DLG2: variants seen among roughly 807,000 people sequenced by gnomAD.
DLG2 encodes the protein disks large homolog 2.
DLG2 carries 45 observed loss-of-function variants against 132.5 expected under a neutral mutation model. The ratio of observed to expected loss-of-function variants is 0.34; its 90% CI spans 0.27 to 0.44. The LOEUF (loss-of-function observed/expected upper bound fraction) is 0.44, where lower values mean the gene tolerates loss of function less well. DLG2 is among the 20% of genes least tolerant of loss of function. The pLI is 1.00. For synonymous variants in DLG2, 424 were observed against 419.6 expected, an observed-to-expected ratio of 1.01 and a Z score of -0.13; for missense variants, 1,045 against 1,196.9, an observed-to-expected ratio of 0.87 and a Z score of 1.87.
At chr11:83,642,976 A>T (rs115900521) in intron 18 of DLG2, among the ~76,000 whole-genome samples, 1,482 of 147,228 alleles carry the variant, frequency 0.01, 27 homozygotes, top group African/African-American at 0.037. Context: ...ATAAATGAAT[A>T]AAAAAAAACC....
chr11:83,737,022 T>G (rs909464521), intron 18 of DLG2, among the ~76,000 whole-genome samples: 1 of 152,192 alleles, frequency 6.6e-6, no homozygotes, highest in African/African-American at 2.4e-5. Context: ...AAATAAACTA[T>G]GTATACAAAA....
chr11:85,419,504 T>A (rs577764203), intron 3 of DLG2, among the ~76,000 whole-genome samples: 2 of 152,244 alleles, frequency 1.3e-5, no homozygotes, highest in Non-Finnish European at 2.9e-5. Context: ...TCATGGATAA[T>A]ATCCTGAAGC....
intron 8 of DLG2, among the ~76,000 whole-genome samples, chr11:84,220,442 A>C (rs1417910419): frequency 6.6e-6 from 1 of 152,182 alleles, no homozygotes; most frequent in African/African-American, 2.4e-5. Flanking sequence ...CAAATCACAC[A>C]CATACACCAA....
At chr11:85,016,039 C>T (rs910914014) in intron 6 of DLG2, among the ~76,000 whole-genome samples, 2 of 151,592 alleles carry the variant, frequency 1.3e-5, no homozygotes, top group Non-Finnish European at 2.9e-5. Context: ...AGTTTAAAAA[C>T]GTTAAAATAG....
intron 6 of DLG2, among the ~76,000 whole-genome samples, chr11:84,584,166 C>T (rs1243217477): frequency 6.6e-6 from 1 of 152,096 alleles, no homozygotes; most frequent in Non-Finnish European, 1.5e-5. Flanking sequence ...GAAACAACCT[C>T]AATAACATTT....
chr11:84,712,179 C>A (rs1446060368), intron 6 of DLG2, among the ~76,000 whole-genome samples: 2 of 152,112 alleles, frequency 1.3e-5, no homozygotes, highest in African/African-American at 2.4e-5. Context: ...TTCTTAAAGT[C>A]TGAGCTCTTT....
At chr11:85,522,549 C>A (rs2074398300) in intron 3 of DLG2, among the ~76,000 whole-genome samples, 1 of 152,172 alleles carries the variant, frequency 6.6e-6, no homozygotes, top group Admixed American at 6.5e-5. Context: ...TGTGGAAAAG[C>A]CACAGACACT....
intron 6 of DLG2, among the ~76,000 whole-genome samples, chr11:84,786,112 A>G (rs74949648): frequency 0.017 from 2,548 of 152,278 alleles, 53 homozygotes; most frequent in African/African-American, 0.049. Context: ...AAGATAAAAT[A>G]TATCATCATC....
chr11:84,017,886 T>C (rs1300268345), intron 11 of DLG2, among the ~76,000 whole-genome samples: 5 of 152,054 alleles, frequency 3.3e-5, no homozygotes, highest in Non-Finnish European at 5.9e-5. Flanking sequence ...TTCAATTGGC[T>C]TCTAGGCTCT....
chr11:85,309,838 C>G lies in DLG2; in HGVS notation c.41-24473G>C, dbSNP rs1306246861. On this transcript the variant is annotated intron_variant, in intron 3 of 27. Transcript: ENST00000376104. ...GCAGGCTGAGTCTGGTGCCCTTGTT[C>G]TGTGTTTTGTGTTTGCCTCTGCTTA... Among the ~76,000 whole-genome samples the G allele has an allele frequency of 2.0e-5, 3 of 152,158 alleles. No individual in the cohort carries two copies. The East Asian group carries it at 5.8e-4, about 29-fold the overall frequency.
At chr11:85,603,880 G>A (rs2080338743) in intron 2 of DLG2, among the ~76,000 whole-genome samples, 1 of 152,112 alleles carries the variant, frequency 6.6e-6, no homozygotes, top group Non-Finnish European at 1.5e-5. Context: ...TCCTGCTACT[G>A]CACTCCAGCC....
chr11:85,038,926 C>T (rs185020455), intron 6 of DLG2, among the ~76,000 whole-genome samples: 1 of 151,986 alleles, frequency 6.6e-6, no homozygotes, highest in African/African-American at 2.4e-5. Context: ...CTCAGTATAC[C>T]TGGAACTCCT....
chr11:84,867,579 C>T (rs1456046790), intron 6 of DLG2, among the ~76,000 whole-genome samples: 2 of 152,152 alleles, frequency 1.3e-5, no homozygotes, highest in Non-Finnish European at 2.9e-5. Context: ...AAAGTAAAAA[C>T]TTACAGAGGA....
At chr11:84,619,314 G>A (rs985134205) in intron 6 of DLG2, among the ~76,000 whole-genome samples, 4 of 151,656 alleles carry the variant, frequency 2.6e-5, no homozygotes, top group African/African-American at 9.7e-5. Context: ...TTAAAATACT[G>A]CATATCATAT....
intron 9 of DLG2, among the ~76,000 whole-genome samples, chr11:84,146,799 A>T (rs2095101489): frequency 6.6e-6 from 1 of 152,164 alleles, no homozygotes; most frequent in African/African-American, 2.4e-5. Flanking sequence ...TAGACATAGG[A>T]AAGAGGGTGG....
chr11:84,491,237 G>A (rs1470237167), intron 7 of DLG2, among the ~76,000 whole-genome samples: 1 of 152,072 alleles, frequency 6.6e-6, no homozygotes, highest in African/African-American at 2.4e-5. Flanking sequence ...TGGGAGATAA[G>A]TGAATCAGGG....
At chr11:84,024,248 A>G (rs1404308099) in intron 11 of DLG2, among the ~76,000 whole-genome samples, 3 of 152,200 alleles carry the variant, frequency 2.0e-5, no homozygotes, top group African/African-American at 7.2e-5. Flanking sequence ...TCTCTGACCT[A>G]TAGTTAATAA....
intron 11 of DLG2, among the ~76,000 whole-genome samples, chr11:83,992,645 T>C (rs2093787664): frequency 1.3e-5 from 2 of 152,110 alleles, no homozygotes; most frequent in Admixed American, 1.3e-4. Flanking sequence ...ACCATGTCTG[T>C]AGAACCATTA....
At chr11:83,720,708 A>C (rs920754613) in intron 18 of DLG2, 1 of 142,742 alleles carries the variant, frequency 7.0e-6, no homozygotes, top group Admixed American at 6.9e-5. Flanking sequence ...AAAGTTTAGG[A>C]TTATCTTTGA....
Sources: allele counts gnomAD v4.1 joint callset (sites outside exome capture counted in the v4.1 genomes callset), GRCh38; gene constraint gnomAD v4.1.1; transcripts MANE v1.5; gene names NCBI Gene and HGNC (gene_info 2026-07-23, HGNC 2026-07-21).